MIER1: variants seen among roughly 807,000 people sequenced by gnomAD.
The protein encoded by MIER1 is MIER1 transcriptional regulator.
A neutral mutation model predicts 75.7 loss-of-function variants in MIER1; 40 were observed. That is an observed-to-expected ratio of 0.53 (90% CI 0.41 to 0.69). MIER1 has a LOEUF of 0.69. Ranked by LOEUF, MIER1 falls within the 30% of genes least tolerant of loss-of-function variation. The probability of loss-of-function intolerance (pLI) is 0.00; values close to 1 mark genes in which losing one functional copy is unlikely to be tolerated. For synonymous variants in MIER1, 213 were observed against 223.4 expected, an observed-to-expected ratio of 0.95 and a Z score of 0.42; for missense variants, 574 against 680.2, an observed-to-expected ratio of 0.84 and a Z score of 1.74.
At chr1:66,927,268 G>C (rs1048063845) in intron 2 of MIER1, among the ~76,000 whole-genome samples, 1 of 152,038 alleles carries the variant, frequency 6.6e-6, no homozygotes, top group East Asian at 1.9e-4. Flanking sequence ...CTTTTAGGTG[G>C]GGAATAGGAG....
chr1:66,928,930 C>G, intron 2 of MIER1: 1 of 1,609,260 alleles, frequency 6.2e-7, no homozygotes, highest in East Asian at 2.2e-5. Flanking sequence ...GGTTTACAGA[C>G]TGTCTGTGGA....
In MIER1 at chr1:66,988,490, G is replaced by A. The variant is rs1667057488; in HGVS notation, c.*3590G>A. On this transcript the variant is annotated 3_prime_UTR_variant, in exon 14 of 14. Transcript: ENST00000401041. Reference sequence around the variant, plus strand: ...ACTCTTGTCATGTACCCTTAGTATTGTGCTGATCTTTTGCCAACTATACGG... The same window carrying A: ...ACTCTTGTCATGTACCCTTAGTATTATGCTGATCTTTTGCCAACTATACGG... 6.6e-6 allele frequency: 1 copy of A among 151,796 alleles called. No homozygotes were observed. The highest frequency in any genetic ancestry group is 6.6e-5 in the Admixed American group (1 of 15,258). 9.4% of individuals were successfully genotyped at this position (151,796 alleles called of 1,614,324 possible).
chr1:66,973,039 A>G (rs768621466), intron 11 of MIER1, 48 bp downstream of exon 11: 8 of 953,028 alleles, frequency 8.4e-6, no homozygotes, highest in Non-Finnish European at 1.4e-5. Flanking sequence ...TAGTTGAACA[A>G]CTCAAATGGT....
Position 66,925,669 on chromosome 1 carries a change from G to T in MIER1, c.68-473G>T, listed in dbSNP as rs539936808. 8.8e-6 allele frequency: 4 copies of T among 454,658 alleles called. No homozygotes were observed. The East Asian group carries it at 4.6e-4, about 53-fold the overall frequency. The allele number at this position is 454,658 out of a possible 1,614,324, so 28.2% of individuals were successfully genotyped here. On this transcript the variant is annotated intron_variant, in intron 1 of 13. Transcript: ENST00000401041. ...GGATCCCTTGGGACAGATGCCCGCC[G>T]CTCTTTACTCTTGTTCTTTCAGCTT...
intron 4 of MIER1, among the ~76,000 whole-genome samples, chr1:66,956,802 G>A (rs976882049): frequency 6.6e-6 from 1 of 152,174 alleles, no homozygotes; most frequent in Non-Finnish European, 1.5e-5. Context: ...TAGAAGTTTT[G>A]GATGACAGTT....
At chr1:66,983,831 G>T (rs1341122363) in intron 13 of MIER1, among the ~76,000 whole-genome samples, 1 of 152,162 alleles carries the variant, frequency 6.6e-6, no homozygotes, top group Non-Finnish European at 1.5e-5. Context: ...GGGTTCAAGT[G>T]ATTCTGCTGC....
intron 7 of MIER1, among the ~76,000 whole-genome samples, 185 bp from the exon 8 acceptor site, chr1:66,962,903 A>G (rs1661546280): frequency 2.0e-5 from 3 of 152,142 alleles, no homozygotes; most frequent in Admixed American, 1.3e-4. Flanking sequence ...TATTATTACT[A>G]ATATTTTCAT....
At chr1:66,959,630 A>G (rs757207648) in intron 6 of MIER1, 49 bp from the exon 7 acceptor site, 1 of 892,118 alleles carries the variant, frequency 1.1e-6, no homozygotes. Flanking sequence ...ATGTAGATTT[A>G]GACAGGATAA....
intron 4 of MIER1, chr1:66,946,807 A>G (rs1394625485): frequency 1.5e-5 from 15 of 984,754 alleles, no homozygotes; most frequent in Non-Finnish European, 1.8e-5. Flanking sequence ...TTCTCTCACT[A>G]CCTTACTTTT....
intron 2 of MIER1, among the ~76,000 whole-genome samples, 180 bp from the exon 3 acceptor site, chr1:66,939,848 G>A (rs543984195): frequency 1.3e-5 from 2 of 152,246 alleles, no homozygotes; most frequent in Admixed American, 1.3e-4. Context: ...TAATGAAAGG[G>A]AAGGGATTAT....
intron 12 of MIER1, among the ~76,000 whole-genome samples, chr1:66,979,538 T>C (rs1469234911): frequency 6.6e-6 from 1 of 152,216 alleles, no homozygotes; most frequent in African/African-American, 2.4e-5. Flanking sequence ...GCTTTCCAAA[T>C]AATTTTTCCA....
chr1:66,937,019 A>G (rs893765084), intron 2 of MIER1, among the ~76,000 whole-genome samples: 57 of 148,926 alleles, frequency 3.8e-4, no homozygotes, highest in African/African-American at 1.2e-3. Flanking sequence ...AAAAAAAAAA[A>G]AGAGAAAAAG....
chr1:66,977,291 T>C (rs548530646), intron 12 of MIER1, among the ~76,000 whole-genome samples: 1 of 151,928 alleles, frequency 6.6e-6, no homozygotes, highest in Non-Finnish European at 1.5e-5. Context: ...TGAATTTTTA[T>C]TAGAGACGGG....
chr1:66,969,542 C>A (rs1663148145), intron 8 of MIER1, among the ~76,000 whole-genome samples: 1 of 51,552 alleles, frequency 1.9e-5, no homozygotes, highest in Admixed American at 3.4e-4. Context: ...AAGACTTCGT[C>A]TCCAAAAAAA....
chr1:66,986,411 C>G lies in MIER1; in HGVS notation c.*1511C>G, dbSNP rs1666789553. On this transcript the variant is annotated 3_prime_UTR_variant, in exon 14 of 14. Transcript: ENST00000401041. ...TTGTTTTTCTCACACAGGCATACTCCAAATGCTTCTTCCAGTTCATTTTTC... is the reference window on the plus strand; with the variant it reads ...TTGTTTTTCTCACACAGGCATACTCGAAATGCTTCTTCCAGTTCATTTTTC... 1 of 1,613,060 alleles carries G rather than the reference C, an allele frequency of 6.2e-7. No homozygotes were observed. Among genetic ancestry groups the G allele is most frequent in the African/African-American group, 1.3e-5 (1 of 74,982 alleles).
At position 66,934,626 on chromosome 1, in the gene MIER1, G is replaced by A. The variant is rs76296110; in HGVS notation, c.169-5402G>A. Among the ~76,000 whole-genome samples the A allele has an allele frequency of 6.4e-3, 945 of 147,888 alleles. 9 individuals carry two copies. Among genetic ancestry groups the A allele is most frequent in the African/African-American group, 0.022 (881 of 39,882 alleles). ...TCGATATGTTGATCAGACTGGTCTC[G>A]AGCTTCTGGCCTTAAGTGATCCTCC... On this transcript the variant is annotated intron_variant, in intron 2 of 13. Coordinates refer to ENST00000401041, the MANE Select transcript of MIER1 (RefSeq NM_001077700.3).
intron 11 of MIER1, among the ~76,000 whole-genome samples, chr1:66,973,953 A>G (rs1309177773): frequency 6.6e-6 from 1 of 152,060 alleles, no homozygotes; most frequent in Non-Finnish European, 1.5e-5. Context: ...CTCTCTTTTT[A>G]TACATTTGGA....
At chr1:66,977,271 G>C (rs1020296729) in intron 12 of MIER1, among the ~76,000 whole-genome samples, 1 of 151,812 alleles carries the variant, frequency 6.6e-6, no homozygotes, top group African/African-American at 2.4e-5. Context: ...CATGACGCCT[G>C]GCTAATTTTT....
intron 4 of MIER1, among the ~76,000 whole-genome samples, chr1:66,949,029 T>C (rs548292149): frequency 6.6e-6 from 1 of 152,312 alleles, no homozygotes; most frequent in Non-Finnish European, 1.5e-5. Flanking sequence ...AGGGAAACAG[T>C]TGATTTAACA....
Sources: gnomAD v4.1 joint callset for allele counts (sites outside exome capture counted in the v4.1 genomes callset) on GRCh38, gnomAD v4.1.1 for gene constraint, MANE v1.5 for transcripts, NCBI Gene and HGNC (gene_info 2026-07-23, HGNC 2026-07-21) for gene names.